NDST4: variants seen among roughly 807,000 people sequenced by gnomAD.
NDST4 encodes the protein N-deacetylase and N-sulfotransferase 4, also known as N-heparan sulfate sulfotransferase 4.
Under a neutral mutation model 100.8 loss-of-function variants are expected in NDST4, and 63 were observed. That is an observed-to-expected ratio of 0.62 (90% CI 0.51 to 0.77). The LOEUF is 0.77. Ranked by LOEUF, NDST4 falls within the 30% of genes least tolerant of loss-of-function variation. The pLI is 0.00. For missense variants in NDST4, 943 were observed against 1,018.4 expected (o/e 0.93, Z 1.01); for synonymous variants, 377 against 361.8 (o/e 1.04, Z -0.48).
chr4:115,101,407 GA>G (rs969838005), intron 1 of NDST4, among the ~76,000 whole-genome samples: 17 of 151,788 alleles, frequency 1.1e-4, no homozygotes, highest in African/African-American at 3.9e-4. Context: ...TTAAAGGATA[GA>G]AAAAAAACCC....
intron 6 of NDST4, among the ~76,000 whole-genome samples, chr4:114,897,760 A>T (rs773369464): frequency 6.6e-6 from 1 of 152,184 alleles, no homozygotes; most frequent in Non-Finnish European, 1.5e-5. Flanking sequence ...TGTTTGATAT[A>T]TGGGTAATTG....
intron 2 of NDST4, among the ~76,000 whole-genome samples, chr4:114,982,033 A>C (rs1028678661): frequency 6.6e-6 from 1 of 151,944 alleles, no homozygotes; most frequent in Admixed American, 6.6e-5. Context: ...CCCCAAACAC[A>C]CTCTCTCTCT....
intron 2 of NDST4, among the ~76,000 whole-genome samples, chr4:115,070,028 C>G (rs761710741): frequency 6.6e-6 from 1 of 152,122 alleles, no homozygotes; most frequent in Non-Finnish European, 1.5e-5. Context: ...CCTCAAACAC[C>G]TAAAAACAGA....
intron 10 of NDST4, among the ~76,000 whole-genome samples, chr4:114,843,509 T>C (rs1723475968): frequency 6.6e-6 from 1 of 152,132 alleles, no homozygotes; most frequent in African/African-American, 2.4e-5. Context: ...ACTTTTGGAG[T>C]CTTTCGCAAG....
At chr4:114,883,536 A>G (rs1299878086) in intron 6 of NDST4, among the ~76,000 whole-genome samples, 2 of 152,152 alleles carry the variant, frequency 1.3e-5, no homozygotes, top group African/African-American at 4.8e-5. Flanking sequence ...AAAAAGAAAG[A>G]GCAGAGAGCA....
At position 115,013,880 on chromosome 4, in the gene NDST4, A is replaced by G. The variant is rs189004664; in HGVS notation, c.979-36606T>C. Among the ~76,000 whole-genome samples, 390 of 152,182 alleles carry G rather than the reference A, an allele frequency of 2.6e-3. 1 individual carries two copies. The highest frequency in any genetic ancestry group is 2.9e-3 in the Non-Finnish European group (199 of 67,980). On this transcript the variant is annotated intron_variant, in intron 2 of 13. Transcript: ENST00000264363. Reference sequence around the variant, plus strand: ...AATTCTGCATTCCTGGAGGAATTGCAGAGATTAGTTTCACTATCAAGAACA... The same window carrying G: ...AATTCTGCATTCCTGGAGGAATTGCGGAGATTAGTTTCACTATCAAGAACA...
intron 2 of NDST4, among the ~76,000 whole-genome samples, chr4:115,054,453 T>G (rs527897211): frequency 6.0e-4 from 92 of 152,292 alleles, no homozygotes; most frequent in Non-Finnish European, 9.0e-4. Flanking sequence ...TTATATACAC[T>G]GATACAATAA....
chr4:115,081,712 C>A lies in NDST4; in HGVS notation c.-246-4430G>T, dbSNP rs144682269. Among the ~76,000 whole-genome samples, 565 of 152,212 alleles carry A rather than the reference C, an allele frequency of 3.7e-3. 3 individuals are homozygous for A. The highest frequency in any genetic ancestry group is 4.8e-3 in the South Asian group (23 of 4,826). On this transcript the variant is annotated intron_variant, in intron 1 of 13. Transcript: ENST00000264363. Reference sequence around the variant, plus strand: ...TATTTTTAAGTAGTCTAAGGTGATACACCAAAATTTTTATTTTACCTTAAT... The same window carrying A: ...TATTTTTAAGTAGTCTAAGGTGATAAACCAAAATTTTTATTTTACCTTAAT...
At chr4:115,080,354 C>A (rs1729275674) in intron 1 of NDST4, among the ~76,000 whole-genome samples, 1 of 152,094 alleles carries the variant, frequency 6.6e-6, no homozygotes, top group Non-Finnish European at 1.5e-5. Flanking sequence ...CCAGGCTGGT[C>A]TCAAACTCCT....
chr4:115,065,308 G>A (rs1352017166), intron 2 of NDST4, among the ~76,000 whole-genome samples: 4 of 152,076 alleles, frequency 2.6e-5, no homozygotes, highest in African/African-American at 7.2e-5. Flanking sequence ...TATGGTATGA[G>A]GGTTGAAGAG....
intron 6 of NDST4, among the ~76,000 whole-genome samples, chr4:114,897,368 T>C (rs183760393): frequency 9.0e-4 from 137 of 152,314 alleles, no homozygotes; most frequent in Admixed American, 1.5e-3. Context: ...CTTAATAATA[T>C]ACATTTAAGT....
At chr4:115,072,512 A>T (rs1445676670) in intron 2 of NDST4, among the ~76,000 whole-genome samples, 2 of 152,110 alleles carry the variant, frequency 1.3e-5, no homozygotes, top group Non-Finnish European at 2.9e-5. Context: ...GGAATAAAAT[A>T]GTGAACACAG....
At chr4:114,950,203 T>C (rs1322949081) in intron 4 of NDST4, among the ~76,000 whole-genome samples, 2 of 152,070 alleles carry the variant, frequency 1.3e-5, no homozygotes, top group African/African-American at 4.8e-5. Flanking sequence ...CATCTTCTCC[T>C]AATTCCCAAC....
chr4:114,926,890 A>C (rs1458615862), intron 6 of NDST4, among the ~76,000 whole-genome samples: 1 of 152,108 alleles, frequency 6.6e-6, no homozygotes, highest in Non-Finnish European at 1.5e-5. Flanking sequence ...TAGAGGGGAA[A>C]ATTCCAGGAC....
intron 6 of NDST4, among the ~76,000 whole-genome samples, chr4:114,913,304 C>T (rs184684706): frequency 1.3e-5 from 2 of 151,958 alleles, no homozygotes; most frequent in Non-Finnish European, 2.9e-5. Context: ...TGTAAGCTAT[C>T]TACATTTGGA....
intron 2 of NDST4, among the ~76,000 whole-genome samples, chr4:115,025,655 T>C (rs946567214): frequency 1.3e-5 from 2 of 152,266 alleles, no homozygotes; most frequent in Admixed American, 6.5e-5. Context: ...GAGCATATCT[T>C]ACATTTCTAG....
chr4:114,972,381 A>G (rs1339463234), intron 3 of NDST4, among the ~76,000 whole-genome samples: 2 of 151,978 alleles, frequency 1.3e-5, no homozygotes, highest in Admixed American at 6.6e-5. Context: ...GGCACCTTCA[A>G]TGCTACTACA....
chr4:114,924,866 G>T (rs374335392), intron 6 of NDST4, among the ~76,000 whole-genome samples: 23 of 152,100 alleles, frequency 1.5e-4, no homozygotes, highest in African/African-American at 4.8e-4. Context: ...ACAAAGAAAA[G>T]ACAAGTATTT....
At chr4:114,984,141 A>ATTATTTATTTAT (rs1560843749) in intron 2 of NDST4, among the ~76,000 whole-genome samples, 1 of 138,578 alleles carries the variant, frequency 7.2e-6, no homozygotes, top group African/African-American at 2.7e-5. Context: ...ACAAACTAAT[A>ATTATTTATTTAT]CTATTTATTT....
Sources: gnomAD v4.1 joint callset for allele counts (sites outside exome capture counted in the v4.1 genomes callset) on GRCh38, gnomAD v4.1.1 for gene constraint, MANE v1.5 for transcripts, NCBI Gene and HGNC (gene_info 2026-07-23, HGNC 2026-07-21) for gene names.